Variants in SKIL observed in about 807,000 individuals in gnomAD.
SKIL encodes the protein SKI like proto-oncogene, also known as ski-like protein.
Under a neutral mutation model 69.6 loss-of-function variants are expected in SKIL, and 20 were observed. The ratio of observed to expected loss-of-function variants is 0.29; its 90% CI spans 0.20 to 0.42. The LOEUF is 0.42. Among genes scored for constraint, SKIL ranks in the 10% least tolerant of loss-of-function variants. SKIL has a pLI of 1.00. For synonymous variants in SKIL, 310 were observed against 279.9 expected, an observed-to-expected ratio of 1.11 and a Z score of -1.08; for missense variants, 745 against 783.1, an observed-to-expected ratio of 0.95 and a Z score of 0.58.
chr3:170,375,037 C>A (rs1053595283), intron 2 of SKIL, among the ~76,000 whole-genome samples: 1 of 152,148 alleles, frequency 6.6e-6, no homozygotes, highest in Non-Finnish European at 1.5e-5. Flanking sequence ...ATAGATGAGT[C>A]CCTACTACAT....
chr3:170,387,541 A>G lies in SKIL; in HGVS notation c.1430-2682A>G, dbSNP rs1047667347. Among the ~76,000 whole-genome samples, 56 of 152,044 alleles carry G rather than the reference A, an allele frequency of 3.7e-4. 1 individual carries two copies. The highest frequency in any genetic ancestry group is 1.3e-3 in the African/African-American group (54 of 41,366). On this transcript the variant is annotated intron_variant, in intron 4 of 6. Transcript: ENST00000259119. Reference sequence around the variant, plus strand: ...CCAGTACTTCTTTTTATGGCCTGATAAGATTCCATTATGTGAATATACCAC... The same window carrying G: ...CCAGTACTTCTTTTTATGGCCTGATGAGATTCCATTATGTGAATATACCAC...
At chr3:170,363,111 G>C (rs1482603007) in intron 2 of SKIL, among the ~76,000 whole-genome samples, 1 of 151,942 alleles carries the variant, frequency 6.6e-6, no homozygotes, top group Non-Finnish European at 1.5e-5. Context: ...CAAGAGGTTG[G>C]CTGTGTTTCA....
In SKIL at chr3:170,391,128, A is replaced by G. The variant is rs1195635042; in HGVS notation, c.1764A>G (p.Glu588=). ...AAGAGCTTGAATCTTTGCAGAATGA[A>G]CATGCTCAAAGAATGGAAGAATTTT... is the stretch of plus-strand genomic sequence containing the variant. The part of the protein sequence containing the change: ...LQKELESLQN[E]HAQRMEEFYV... Residue 588 remains glutamate, a synonymous_variant, in exon 6 of 7, where the codon GAA becomes GAG. Coordinates refer to ENST00000259119, the MANE Select transcript of SKIL (RefSeq NM_005414.5). 2.5e-6 allele frequency: 4 copies of G among 1,608,778 alleles called. No homozygotes were observed. The highest frequency in any genetic ancestry group is 1.7e-5 in the Admixed American group (1 of 59,990).
At chr3:170,366,688 C>CAG (rs1553852226) in intron 2 of SKIL, among the ~76,000 whole-genome samples, 26 of 140,858 alleles carry the variant, frequency 1.8e-4, no homozygotes, top group South Asian at 4.5e-4. Flanking sequence ...CACACACACA[C>CAG]ACACACAGAC....
Position 170,390,214 on chromosome 3 carries a change from C to G in SKIL, c.1430-9C>G, listed in dbSNP as rs768406771. 2.0e-5 allele frequency: 32 copies of G among 1,582,398 alleles called. No homozygotes were observed. Among genetic ancestry groups the G allele is most frequent in the African/African-American group, 4.1e-5 (3 of 73,626 alleles). On this transcript the variant is annotated splice_polypyrimidine_tract_variant and intron_variant, in intron 4 of 6. Transcript: ENST00000259119. ...TCATACTTTGTTACTTGATTTTTTT[C>G]TCTCCAAGATGCATCAATCTCAAAT...
Position 170,360,876 on chromosome 3 carries a change from A to G in SKIL, c.545A>G (p.Gln182Arg), listed in dbSNP as rs1344931090. The change falls in exon 2 of 7, where the codon CAA becomes CGA. Residue 182 changes from glutamine (Q) to arginine (R), a missense_variant. Coordinates refer to ENST00000259119, the MANE Select transcript of SKIL (RefSeq NM_005414.5). ...NSVLREFTLQQINTVCDELYI... is the reference protein window; with the variant it reads ...NSVLREFTLQRINTVCDELYI... The stretch of plus-strand genomic sequence containing the variant: ...GTTCTCCGAGAATTTACACTCCAGC[A>G]AATAAATACAGTGTGTGATGAACTG... The G allele has an allele frequency of 3.1e-6, 5 of 1,614,222 alleles. No individual in the cohort carries two copies. The highest frequency in any genetic ancestry group is 4.2e-6 in the Non-Finnish European group (5 of 1,180,030).
chr3:170,361,450 T>G (rs559108592), intron 2 of SKIL, 21 bp downstream of exon 2: 1 of 1,507,288 alleles, frequency 6.6e-7, no homozygotes, highest in South Asian at 1.3e-5. Flanking sequence ...TATATCAATT[T>G]TTAATAATGG....
In SKIL at chr3:170,391,171, T is replaced by C; in HGVS notation, c.1807T>C (p.Leu603=). 6.2e-7 allele frequency: 1 copy of C among 1,612,126 alleles called. No individual in the cohort carries two copies. The highest frequency in any genetic ancestry group is 1.3e-5 in the African/African-American group (1 of 74,978). ...MEEFYVEQKD[L]EKKLEQIMKQ... ...AGAATTTTATGTTGAACAGAAAGAC[T>C]TAGAGAAAAAATTGGAGCAGATAAT... The change falls in exon 6 of 7, where the codon TTA becomes CTA. Residue 603 remains leucine (L), a synonymous_variant. Coordinates refer to ENST00000259119, the MANE Select transcript of SKIL (RefSeq NM_005414.5).
rs1738006074 is a variant in SKIL, at chr3:170,393,074, T to C, written c.*657T>C. On this transcript the variant is annotated 3_prime_UTR_variant, in exon 7 of 7. Coordinates refer to ENST00000259119, the MANE Select transcript of SKIL (RefSeq NM_005414.5). Reference sequence around the variant, plus strand: ...GCTGCTGCTAAACAGAAGCAGCAGTTGTAATTTGTTTTTCAGTTTAAATGT... The same window carrying C: ...GCTGCTGCTAAACAGAAGCAGCAGTCGTAATTTGTTTTTCAGTTTAAATGT... 1 of 152,174 alleles carries C rather than the reference T, an allele frequency of 6.6e-6. No homozygotes were observed. Among genetic ancestry groups the C allele is most frequent in the African/African-American group, 2.4e-5 (1 of 41,452 alleles). 9.4% of individuals were successfully genotyped at this position (152,174 alleles called of 1,614,324 possible).
chr3:170,381,579 C>A (rs1208608381), intron 3 of SKIL, among the ~76,000 whole-genome samples: 1 of 151,714 alleles, frequency 6.6e-6, no homozygotes, highest in Non-Finnish European at 1.5e-5. Flanking sequence ...ACTACAGGCT[C>A]ACACCACCAC....
intron 2 of SKIL, among the ~76,000 whole-genome samples, chr3:170,365,616 T>C (rs1736460897): frequency 6.6e-6 from 1 of 152,202 alleles, no homozygotes; most frequent in Non-Finnish European, 1.5e-5. Flanking sequence ...TAAATTTAAA[T>C]ACTAAGGTAT....
intron 2 of SKIL, among the ~76,000 whole-genome samples, chr3:170,365,832 T>C (rs549129912): frequency 5.0e-4 from 74 of 147,744 alleles, no homozygotes; most frequent in Non-Finnish European, 8.6e-4. Flanking sequence ...CTTGGCTCAC[T>C]GCAACCTCCG....
intron 1 of SKIL, among the ~76,000 whole-genome samples, chr3:170,359,193 C>A (rs1039493967): frequency 3.9e-5 from 6 of 152,236 alleles, no homozygotes; most frequent in African/African-American, 1.4e-4. Context: ...CTTTACGCAA[C>A]TCCAAATTGC....
chr3:170,362,373 C>T (rs552135406), intron 2 of SKIL, among the ~76,000 whole-genome samples: 1 of 150,990 alleles, frequency 6.6e-6, no homozygotes, highest in South Asian at 2.1e-4. Context: ...TGTGGTGTCG[C>T]ACACTTGTAA....
At chr3:170,382,289 A>G (rs1165666934) in intron 3 of SKIL, among the ~76,000 whole-genome samples, 1 of 152,062 alleles carries the variant, frequency 6.6e-6, no homozygotes, top group Non-Finnish European at 1.5e-5. Context: ...ATGTGTTTCT[A>G]TGTGTTTTCT....
At position 170,393,010 on chromosome 3, in the gene SKIL, C is replaced by A. The variant is rs1738002398; in HGVS notation, c.*593C>A. The A allele has an allele frequency of 1.3e-5, 2 of 152,034 alleles. No individual in the cohort carries two copies. Among genetic ancestry groups the A allele is most frequent in the South Asian group, 4.1e-4 (2 of 4,830 alleles). The allele number at this position is 152,034 out of a possible 1,614,324, so 9.4% of individuals were successfully genotyped here. A position where few individuals can be genotyped will look rare whatever the true frequency, so the allele number is the denominator to read the frequency against. ...GAATTTTACTGAGGTTATAGCATAC[C>A]CCATGAGCACAGTGGGGAAGAAGAA... On this transcript the variant is annotated 3_prime_UTR_variant, in exon 7 of 7. Transcript: ENST00000259119.
At position 170,360,746 on chromosome 3, in the gene SKIL, G is replaced by T. The variant is rs1468966735; in HGVS notation, c.415G>T (p.Asp139Tyr). The change falls in exon 2 of 7, where the codon GAT (aspartate) becomes TAT (tyrosine). Residue 139 changes from aspartate (D) to tyrosine (Y), a missense_variant. Coordinates refer to ENST00000259119, the MANE Select transcript of SKIL (RefSeq NM_005414.5). Reference sequence around the variant, plus strand: ...TCCTGGCCCATTGCTCATCCCTTCAGATAGCTCCACAGAACTCACTCAGAC... The same window carrying T: ...TCCTGGCCCATTGCTCATCCCTTCATATAGCTCCACAGAACTCACTCAGAC... ...VLPGPLLIPS[D>Y]SSTELTQTVL... The T allele has an allele frequency of 6.2e-7, 1 of 1,614,104 alleles. No individual in the cohort carries two copies. Among genetic ancestry groups the T allele is most frequent in the African/African-American group, 1.3e-5 (1 of 75,014 alleles).
chr3:170,366,104 G>A (rs963567651), intron 2 of SKIL, among the ~76,000 whole-genome samples: 4 of 139,070 alleles, frequency 2.9e-5, no homozygotes, highest in Non-Finnish European at 6.1e-5. Flanking sequence ...AACGTGTTAT[G>A]TAAAGGACCT....
At chr3:170,371,358 A>G (rs958548593) in intron 2 of SKIL, among the ~76,000 whole-genome samples, 6 of 151,906 alleles carry the variant, frequency 3.9e-5, no homozygotes, top group Non-Finnish European at 5.9e-5. Flanking sequence ...AATAAAAAAA[A>G]TAGCTGGGCA....
Sources: gnomAD v4.1 joint callset for allele counts (sites outside exome capture counted in the v4.1 genomes callset) on GRCh38, gnomAD v4.1.1 for gene constraint, MANE v1.5 for transcripts, NCBI Gene and HGNC (gene_info 2026-07-23, HGNC 2026-07-21) for gene names.